Variants in LMNTD1 observed in about 807,000 individuals in gnomAD.
LMNTD1 encodes lamin tail domain containing 1, also known as lamin tail domain-containing protein 1.
A neutral mutation model predicts 50.9 loss-of-function variants in LMNTD1; 35 were observed. That is an observed-to-expected ratio of 0.69 (90% CI 0.53 to 0.91). The LOEUF (loss-of-function observed/expected upper bound fraction) is 0.91. Ranked by LOEUF, LMNTD1 falls within the 40% of genes least tolerant of loss-of-function variation. The pLI is 0.00. For missense variants in LMNTD1, 470 were observed against 475.5 expected (o/e 0.99, Z 0.11); for synonymous variants, 153 against 161.9 (o/e 0.94, Z 0.42).
Position 25,553,129 on chromosome 12 carries a change from A to G in LMNTD1, c.-91T>C, listed in dbSNP as rs756617626. On this transcript the variant is annotated 5_prime_UTR_variant, in exon 1 of 10. Transcript: ENST00000458174. ...TTAATAATTTCTTTACCAAACTAGT[A>G]CCAGAACCACAATTCTCATGAGGAT... 7 of 1,612,128 alleles carry G rather than the reference A, an allele frequency of 4.3e-6. No individual in the cohort carries two copies. In the South Asian group the frequency reaches 7.7e-5, roughly 18 times the overall value.
chr12:25,526,999 A>G (rs1425881648), intron 4 of LMNTD1, 44 bp from the exon 5 acceptor site: 3 of 1,365,624 alleles, frequency 2.2e-6, no homozygotes. Flanking sequence ...TTCAGATAGG[A>G]GTGTCTTTGA....
chr12:25,515,008 T>C (rs940789130), intron 8 of LMNTD1, among the ~76,000 whole-genome samples: 1 of 152,096 alleles, frequency 6.6e-6, no homozygotes, highest in Non-Finnish European at 1.5e-5. Flanking sequence ...CAAAATCTAA[T>C]AAAGTTGAAG....
At chr12:25,644,108 G>A (rs1347439570) in intron 1 of LMNTD1, among the ~76,000 whole-genome samples, 1 of 152,090 alleles carries the variant, frequency 6.6e-6, no homozygotes, top group Non-Finnish European at 1.5e-5. Context: ...AATGAAAACA[G>A]GAGAAGTGCA....
chr12:25,642,998 G>A lies in LMNTD1; in HGVS notation c.58+5496C>T, dbSNP rs146668654. On this transcript the variant is annotated intron_variant, in intron 1 of 7. Transcript: ENST00000445693. The stretch of plus-strand genomic sequence containing the variant: ...CATTCAACAATTCAGTTAATGCAAC[G>A]TTCCAAGCACTGTTCTAGGCTCTGA... Among the ~76,000 whole-genome samples the A allele has an allele frequency of 2.3e-4, 35 of 152,316 alleles. No individual in the cohort carries two copies. The East Asian group carries it at 5.0e-3, about 22-fold the overall frequency.
At chr12:25,602,459 G>T (rs1946003161) in intron 1 of LMNTD1, among the ~76,000 whole-genome samples, 1 of 151,946 alleles carries the variant, frequency 6.6e-6, no homozygotes, top group Admixed American at 6.6e-5. Flanking sequence ...GGAAATAATT[G>T]ATTTTTTGTT....
Position 25,604,718 on chromosome 12 carries a change from T to C in LMNTD1, c.58+43776A>G, listed in dbSNP as rs138003194. ...GCTGCATAGTATCCCATGGTGTATATGTGCCATATTTTCTTAATCCAGACT... is the reference window on the plus strand; with the variant it reads ...GCTGCATAGTATCCCATGGTGTATACGTGCCATATTTTCTTAATCCAGACT... On this transcript the variant is annotated intron_variant, in intron 1 of 7. Coordinates refer to the LMNTD1 transcript ENST00000445693. Among the ~76,000 whole-genome samples, 413 of 152,318 alleles carry C rather than the reference T, an allele frequency of 2.7e-3. 5 individuals are homozygous for C. The highest frequency in any genetic ancestry group is 9.6e-3 in the African/African-American group (397 of 41,564).
At chr12:25,606,958 G>A (rs1314698574) in intron 1 of LMNTD1, among the ~76,000 whole-genome samples, 1 of 152,074 alleles carries the variant, frequency 6.6e-6, no homozygotes, top group Non-Finnish European at 1.5e-5. Flanking sequence ...AATCTGTCTG[G>A]TCCTGGACTT....
chr12:25,640,536 G>C (rs1218171719), intron 1 of LMNTD1, among the ~76,000 whole-genome samples: 1 of 151,746 alleles, frequency 6.6e-6, no homozygotes, highest in Admixed American at 6.6e-5. Flanking sequence ...TTATATTGTG[G>C]TGATCACATA....
intron 9 of LMNTD1, among the ~76,000 whole-genome samples, chr12:25,501,342 A>T (rs1173770627): frequency 2.6e-5 from 4 of 152,124 alleles, no homozygotes; most frequent in Non-Finnish European, 5.9e-5. Context: ...CATTCTGTTA[A>T]ATTAGCAATT....
chr12:25,611,627 C>T (rs1946245820), intron 1 of LMNTD1, among the ~76,000 whole-genome samples: 1 of 152,176 alleles, frequency 6.6e-6, no homozygotes, highest in Non-Finnish European at 1.5e-5. Flanking sequence ...AATGAGAATG[C>T]TTCCAAAATA....
At chr12:25,509,132 A>AGTTTCACT (rs1384139467) in intron 8 of LMNTD1, among the ~76,000 whole-genome samples, 3 of 152,184 alleles carry the variant, frequency 2.0e-5, no homozygotes, top group Admixed American at 6.5e-5. Flanking sequence ...TTTGAGACAG[A>AGTTTCACT]GTTTCACTCT....
chr12:25,564,092 G>A (rs541981646), intron 1 of LMNTD1, among the ~76,000 whole-genome samples: 4 of 152,194 alleles, frequency 2.6e-5, no homozygotes, highest in South Asian at 4.2e-4. Flanking sequence ...CTGACCCCTC[G>A]CGCTTCCCAG....
chr12:25,526,947 C>T lies in LMNTD1; in HGVS notation c.500G>A (p.Gly167Glu). 6.3e-7 allele frequency: 1 copy of T among 1,599,298 alleles called. No individual in the cohort carries two copies. Among genetic ancestry groups the T allele is most frequent in the Non-Finnish European group, 8.5e-7 (1 of 1,173,084 alleles). The change falls in exon 5 of 10, where the codon GGA becomes GAA. Residue 167 changes from glycine (G) to glutamate (E), a missense_variant. Coordinates refer to ENST00000458174, the MANE Select transcript of LMNTD1 (RefSeq NM_001145728.2). ...EVGQFTSSSL[G>E]DVEIAEVNVK... is the part of the protein sequence containing the mutation. ...ATTCACTTCAGCTATTTCAACATCT[C>T]CAAGAGAACTAGAAAATAAAACACA...
intron 9 of LMNTD1, among the ~76,000 whole-genome samples, chr12:25,501,017 G>T (rs964260625): frequency 6.6e-6 from 1 of 152,080 alleles, no homozygotes; most frequent in African/African-American, 2.4e-5. Flanking sequence ...TGAGACAGAG[G>T]CTCACTCTGT....
At chr12:25,556,870 C>T (rs149678754), upstream of LMNTD1, among the ~76,000 whole-genome samples, 81 of 152,320 alleles carry the variant, frequency 5.3e-4, no homozygotes, top group Middle Eastern at 3.4e-3. Flanking sequence ...TCTGCCTCCA[C>T]ATGTGGAGAA....
intron 9 of LMNTD1, among the ~76,000 whole-genome samples, chr12:25,491,995 T>A (rs1938898492): frequency 6.6e-6 from 1 of 152,192 alleles, no homozygotes; most frequent in African/African-American, 2.4e-5. Context: ...GGGAGAGATA[T>A]ACGTCCAGAA....
rs544651628 is a variant in LMNTD1, at chr12:25,543,657, G to A, written c.491+2717C>T. 1.7e-4 allele frequency among the ~76,000 whole-genome samples: 26 copies of A among 148,964 alleles called. No homozygotes were observed. In the East Asian group the frequency reaches 4.7e-3, roughly 27 times the overall value. On this transcript the variant is annotated intron_variant, in intron 4 of 9. Transcript: ENST00000458174. ...TTGTTTTTTTTTTCTTGCTTTCCTA[G>A]TTCTCCTTGAGATACGTTGTTAGAT...
chr12:25,639,800 T>C (rs1468302456), intron 1 of LMNTD1, among the ~76,000 whole-genome samples: 1 of 152,188 alleles, frequency 6.6e-6, no homozygotes, highest in Admixed American at 6.5e-5. Flanking sequence ...CACACCTAGA[T>C]CTATACACAA....
At chr12:25,489,781 C>T (rs1471684509) in intron 9 of LMNTD1, among the ~76,000 whole-genome samples, 1 of 152,102 alleles carries the variant, frequency 6.6e-6, no homozygotes, top group South Asian at 2.1e-4. Context: ...AATGACGATT[C>T]AGGATATAAG....
Sources: allele counts gnomAD v4.1 joint callset (sites outside exome capture counted in the v4.1 genomes callset), GRCh38; gene constraint gnomAD v4.1.1; transcripts MANE v1.5; gene names NCBI Gene and HGNC (gene_info 2026-07-23, HGNC 2026-07-21).